Variants in LHFPL3 observed in about 807,000 individuals in gnomAD.
LHFPL3 encodes LHFPL tetraspan subfamily member 3 protein.
LHFPL3 carries 5 observed loss-of-function variants against 19.3 expected under a neutral mutation model. The observed-to-expected ratio is 0.26, with a 90% CI of 0.14 to 0.54. The LOEUF (loss-of-function observed/expected upper bound fraction) is 0.54, where lower values mean the gene tolerates loss of function less well. Among genes scored for constraint, LHFPL3 ranks in the 20% least tolerant of loss-of-function variants. LHFPL3 has a pLI of 0.94. For missense variants in LHFPL3, 249 were observed against 307.4 expected (o/e 0.81, Z 1.42); for synonymous variants, 133 against 126.2 (o/e 1.05, Z -0.36).
chr7:104,859,164 G>C (rs1287172218), intron 2 of LHFPL3, among the ~76,000 whole-genome samples: 1 of 151,884 alleles, frequency 6.6e-6, no homozygotes, highest in Non-Finnish European at 1.5e-5. Flanking sequence ...CTACTCAGGA[G>C]GCTGAGGCAG....
At chr7:104,430,321 T>C (rs1051539709) in intron 1 of LHFPL3, among the ~76,000 whole-genome samples, 1 of 141,014 alleles carries the variant, frequency 7.1e-6, no homozygotes, top group African/African-American at 2.6e-5. Context: ...GTTTGTAGCA[T>C]CTGCAGGAAC....
intron 1 of LHFPL3, among the ~76,000 whole-genome samples, chr7:104,532,805 G>T (rs148005773): frequency 2.6e-5 from 4 of 152,044 alleles, no homozygotes; most frequent in Admixed American, 2.0e-4. Flanking sequence ...ATTCTCAAAG[G>T]CCTGCCTGGT....
chr7:104,887,221 A>G (rs1286018170), intron 2 of LHFPL3, among the ~76,000 whole-genome samples: 2 of 152,220 alleles, frequency 1.3e-5, no homozygotes, highest in Non-Finnish European at 2.9e-5. Context: ...AAATAACTGA[A>G]GGGAAGGAAA....
intron 1 of LHFPL3, among the ~76,000 whole-genome samples, chr7:104,357,183 G>A (rs1790295959): frequency 6.6e-6 from 1 of 152,176 alleles, no homozygotes; most frequent in African/African-American, 2.4e-5. Context: ...TTCACCTACT[G>A]TACCTAAAGA....
chr7:104,588,333 A>T (rs1453774870), intron 1 of LHFPL3, among the ~76,000 whole-genome samples: 2 of 152,160 alleles, frequency 1.3e-5, no homozygotes, highest in African/African-American at 4.8e-5. Context: ...CTTCCTACAT[A>T]TGGCTAGCCA....
At chr7:104,709,084 T>TCAA (rs1423777355) in intron 1 of LHFPL3, among the ~76,000 whole-genome samples, 2 of 151,936 alleles carry the variant, frequency 1.3e-5, no homozygotes, top group East Asian at 3.9e-4. Context: ...GCTCTAAAGT[T>TCAA]CAACAACAAC....
At chr7:104,702,756 A>C (rs1793126922) in intron 1 of LHFPL3, among the ~76,000 whole-genome samples, 2 of 152,232 alleles carry the variant, frequency 1.3e-5, no homozygotes, top group South Asian at 4.1e-4. Flanking sequence ...CTTTCTACTC[A>C]TATCACATCT....
At chr7:104,859,985 C>T (rs2116633242) in intron 2 of LHFPL3, among the ~76,000 whole-genome samples, 1 of 152,194 alleles carries the variant, frequency 6.6e-6, no homozygotes, top group Non-Finnish European at 1.5e-5. Flanking sequence ...AATTTTGCTG[C>T]AAACCTAAAA....
rs565282472 is a variant in LHFPL3 at position 104,408,896 on chromosome 7, G to A, written c.445+79672G>A. On this transcript the variant is annotated intron_variant, in intron 1 of 2. Coordinates refer to ENST00000424859, the MANE Select transcript of LHFPL3 (RefSeq NM_199000.3). Reference sequence around the variant, plus strand: ...TTTTTTTTTTTTGAGACGGAGTCTCGCTCTGTTGCCCAGGCTGGAGTGCAA... The same window carrying A: ...TTTTTTTTTTTTGAGACGGAGTCTCACTCTGTTGCCCAGGCTGGAGTGCAA... Among the ~76,000 whole-genome samples the A allele has an allele frequency of 3.8e-4, 41 of 107,522 alleles. No homozygotes were observed. In the South Asian group the frequency reaches 0.012, roughly 30 times the overall value. 70.5% of individuals were successfully genotyped at this position (107,522 alleles called of 152,430 possible).
intron 2 of LHFPL3, among the ~76,000 whole-genome samples, chr7:104,893,609 T>C (rs1217658531): frequency 6.6e-6 from 1 of 152,224 alleles, no homozygotes; most frequent in Non-Finnish European, 1.5e-5. Flanking sequence ...GTGTACAACT[T>C]TGTTGTATTA....
intron 1 of LHFPL3, among the ~76,000 whole-genome samples, chr7:104,494,266 A>T (rs1454056654): frequency 6.6e-6 from 1 of 152,190 alleles, no homozygotes; most frequent in African/African-American, 2.4e-5. Context: ...ATGCAAATCT[A>T]TTAGTTCAAC....
At chr7:104,837,062 C>G (rs954877007) in intron 2 of LHFPL3, among the ~76,000 whole-genome samples, 1 of 152,174 alleles carries the variant, frequency 6.6e-6, no homozygotes, top group Non-Finnish European at 1.5e-5. Context: ...GGCAGGGAAT[C>G]AGAAACCCTG....
intron 1 of LHFPL3, among the ~76,000 whole-genome samples, chr7:104,528,610 T>TA (rs1794234193): frequency 6.6e-6 from 1 of 152,140 alleles, no homozygotes; most frequent in African/African-American, 2.4e-5. Flanking sequence ...GGTATTATAA[T>TA]ATATAATTAA....
At chr7:104,365,228 G>T (rs1262153804) in intron 1 of LHFPL3, among the ~76,000 whole-genome samples, 1 of 151,964 alleles carries the variant, frequency 6.6e-6, no homozygotes, top group African/African-American at 2.4e-5. Context: ...GAACCTGAGA[G>T]GCAGAGGTTT....
chr7:104,333,078 C>G (rs1292332451), intron 1 of LHFPL3, among the ~76,000 whole-genome samples: 3 of 151,992 alleles, frequency 2.0e-5, no homozygotes, highest in Admixed American at 2.0e-4. Context: ...ATTTTCTTCC[C>G]CTGGGAACCT....
At chr7:104,636,443 C>T (rs952365118) in intron 1 of LHFPL3, among the ~76,000 whole-genome samples, 6 of 152,072 alleles carry the variant, frequency 3.9e-5, no homozygotes, top group African/African-American at 1.4e-4. Flanking sequence ...AAACTTGTTT[C>T]ACAGGGGTTT....
rs555408339 is a variant in LHFPL3 at position 104,555,802 on chromosome 7, G to A, written c.446-180873G>A. ...CAACATCTCACCTGAGACAAAGCAA[G>A]TCCCTTCCACCTATGAGCCTGTAAA... On this transcript the variant is annotated intron_variant, in intron 1 of 2. Coordinates refer to ENST00000424859, the MANE Select transcript of LHFPL3 (RefSeq NM_199000.3). Among the ~76,000 whole-genome samples the A allele has an allele frequency of 3.3e-5, 5 of 152,250 alleles. No individual in the cohort carries two copies. In the South Asian group the frequency reaches 8.3e-4, roughly 25 times the overall value.
intron 1 of LHFPL3, among the ~76,000 whole-genome samples, chr7:104,556,156 G>C (rs75310760): frequency 0.013 from 2,001 of 152,254 alleles, 43 homozygotes; most frequent in African/African-American, 0.045. Context: ...GCTGCCAGTG[G>C]ATCTACTATT....
At chr7:104,391,788 T>A (rs1791074633) in intron 1 of LHFPL3, among the ~76,000 whole-genome samples, 1 of 152,198 alleles carries the variant, frequency 6.6e-6, no homozygotes. Flanking sequence ...TATGAGCATT[T>A]TCACAATACT....
Sources: allele counts gnomAD v4.1 joint callset (sites outside exome capture counted in the v4.1 genomes callset), GRCh38; gene constraint gnomAD v4.1.1; transcripts MANE v1.5; gene names NCBI Gene and HGNC (gene_info 2026-07-23, HGNC 2026-07-21).